The following UTP20 variants were observed in gnomAD, a reference collection of about 807,000 sequenced individuals.
UTP20 encodes small subunit processome component 20 homolog.
In UTP20, 164 loss-of-function variants were observed where a neutral mutation model predicts 329.5. The observed-to-expected ratio is 0.50, with a 90% CI of 0.44 to 0.57. The LOEUF (loss-of-function observed/expected upper bound fraction) is 0.57, where lower values mean the gene tolerates loss of function less well. UTP20 is among the 20% of genes least tolerant of loss of function. The probability of loss-of-function intolerance (pLI) is 0.00; values close to 1 mark genes in which losing one functional copy is unlikely to be tolerated. For missense variants in UTP20, 3,055 were observed against 3,284.2 expected (o/e 0.93, Z 1.71); for synonymous variants, 1,151 against 1,159.3 (o/e 0.99, Z 0.14).
At chr12:101,342,648 G>T in intron 33 of UTP20, 59 bp downstream of exon 33, 1 of 1,561,498 alleles carries the variant, frequency 6.4e-7, no homozygotes, top group Admixed American at 1.9e-5. Flanking sequence ...ATTATGACTT[G>T]TAAACCATAT....
intron 40 of UTP20, 109 bp downstream of exon 40, chr12:101,353,238 C>A: frequency 1.6e-6 from 1 of 627,218 alleles, no homozygotes; most frequent in East Asian, 3.0e-5. Flanking sequence ...TCTGCTCTTA[C>A]TAGCAATGGA....
chr12:101,306,799 T>C (rs763584071), intron 17 of UTP20, 38 bp downstream of exon 17: 4 of 1,544,674 alleles, frequency 2.6e-6, no homozygotes, highest in South Asian at 2.4e-5. Flanking sequence ...TTTAAAAAAA[T>C]ATAGTTTTAC....
intron 47 of UTP20, among the ~76,000 whole-genome samples, chr12:101,367,249 C>A (rs762151062): frequency 6.6e-6 from 1 of 152,046 alleles, no homozygotes; most frequent in Non-Finnish European, 1.5e-5. Context: ...CGCACCACTG[C>A]ACTCCAATAT....
intron 41 of UTP20, 140 bp from the exon 42 acceptor site, chr12:101,356,414 C>T (rs1869722746): frequency 1.2e-6 from 1 of 838,696 alleles, no homozygotes; most frequent in Middle Eastern, 3.7e-4. Context: ...GCATGAGCCA[C>T]CGCACCCAGC....
Position 101,342,443 on chromosome 12 carries a change from A to G in UTP20, c.4102-3A>G. 1 of 1,591,066 alleles carries G rather than the reference A, an allele frequency of 6.3e-7. No homozygotes were observed. The highest frequency in any genetic ancestry group is 8.5e-7 in the Non-Finnish European group (1 of 1,173,736). On this transcript the variant is annotated splice_region_variant and splice_polypyrimidine_tract_variant and intron_variant, in intron 32 of 61. Transcript: ENST00000261637. ...ATGATTTCTCTGATTATTTCTTCTC[A>G]AGGATACAGAGGTTGATATTCTGGT...
In UTP20 at chr12:101,281,190, T is replaced by C; in HGVS notation, c.120T>C (p.Tyr40=). ...ACCGGATTGATAGAACTGCAAGCTA[T>C]GAGGAGGTAAGAGAATGTGATACTA... ...IIHRIDRTAS[Y]EEEVETYFFE... Residue 40 remains tyrosine (Y), a synonymous_variant, in exon 2 of 62, where the codon TAT becomes TAC. Transcript: ENST00000261637. 1 of 1,612,774 alleles carries C rather than the reference T, an allele frequency of 6.2e-7. No homozygotes were observed. Among genetic ancestry groups the C allele is most frequent in the Non-Finnish European group, 8.5e-7 (1 of 1,179,008 alleles).
rs1433209069 is a variant in UTP20, at chr12:101,368,126, G to A, written c.6384+150G>A. ...TTGGTGGGTTTTTTGGGGTTTTTGGGTTTTTTTTTTTTTGAGACAGAGTCT... is the reference window on the plus strand; with the variant it reads ...TTGGTGGGTTTTTTGGGGTTTTTGGATTTTTTTTTTTTTGAGACAGAGTCT... On this transcript the variant is annotated intron_variant, in intron 48 of 61. Coordinates refer to ENST00000261637, the MANE Select transcript of UTP20 (RefSeq NM_014503.3). The A allele has an allele frequency of 1.8e-5, 8 of 451,922 alleles. No homozygotes were observed. The South Asian group carries it at 1.9e-4, about 11-fold the overall frequency. 28.0% of individuals were successfully genotyped at this position (451,922 alleles called of 1,614,324 possible).
At chr12:101,349,503 A>G (rs1015075460) in intron 38 of UTP20, among the ~76,000 whole-genome samples, 13 of 151,330 alleles carry the variant, frequency 8.6e-5, no homozygotes, top group Non-Finnish European at 1.8e-4. Context: ...CAGTGGCACA[A>G]TCTCTGCTTA....
At chr12:101,367,811 T>G in intron 47 of UTP20, 49 bp from the exon 48 acceptor site, 1 of 1,144,864 alleles carries the variant, frequency 8.7e-7, no homozygotes, top group Non-Finnish European at 1.3e-6. Context: ...ACCTAACTCA[T>G]CTGGTCTAAT....
Position 101,291,739 on chromosome 12 carries a change from C to T in UTP20, c.892-3C>T. 1.3e-6 allele frequency: 2 copies of T among 1,518,444 alleles called. No homozygotes were observed. The highest frequency in any genetic ancestry group is 1.6e-5 in the African/African-American group (1 of 63,212). The allele number at this position is 1,518,444 out of a possible 1,614,324, so 94.1% of individuals were successfully genotyped here. On this transcript the variant is annotated splice_polypyrimidine_tract_variant and splice_region_variant and intron_variant, in intron 8 of 61. Coordinates refer to ENST00000261637, the MANE Select transcript of UTP20 (RefSeq NM_014503.3). The stretch of plus-strand genomic sequence containing the variant: ...TTCTCTCTGTTAAATTCTTTGTTTG[C>T]AGGAATCGCTCTTGGATCTACACAC...
rs1402018618 is a variant in UTP20 at position 101,386,116 on chromosome 12, T to G, written c.8351T>G (p.Val2784Gly). 1.9e-6 allele frequency: 3 copies of G among 1,604,440 alleles called. No homozygotes were observed. Among genetic ancestry groups the G allele is most frequent in the African/African-American group, 1.4e-5 (1 of 73,912 alleles). ...CATAGCCTGAAAGATTTAGCAATGGTGGAGTAATGTCTCCCTGTGCTGATA... is the reference window on the plus strand; with the variant it reads ...CATAGCCTGAAAGATTTAGCAATGGGGGAGTAATGTCTCCCTGTGCTGATA... The part of the protein sequence containing the change: ...KSHSLKDLAM[V>G]E Residue 2784 changes from valine (V) to glycine (G), a missense_variant, in exon 62 of 62, where the codon GTG becomes GGG. Around this residue, in one of 3 missense-constraint regions of UTP20, gnomAD observed 337 missense variants for 345.5 expected, o/e 0.98. Transcript: ENST00000261637.
intron 50 of UTP20, 143 bp from the exon 51 acceptor site, chr12:101,370,913 TTG>T (rs1870263501): frequency 1.5e-6 from 1 of 678,922 alleles, no homozygotes; most frequent in Non-Finnish European, 2.4e-6. Context: ...TGTGTGTTCT[TTG>T]TGCTTAAGTG....
chr12:101,281,949 C>G (rs189745846), intron 2 of UTP20, among the ~76,000 whole-genome samples: 1 of 152,112 alleles, frequency 6.6e-6, no homozygotes, highest in African/African-American at 2.4e-5. Flanking sequence ...GTGATCTGCT[C>G]GCCTTGGCCT....
chr12:101,343,326 G>T (rs1240124580), intron 35 of UTP20, among the ~76,000 whole-genome samples: 1 of 152,088 alleles, frequency 6.6e-6, no homozygotes, highest in Non-Finnish European at 1.5e-5. Context: ...AAAAAATCAA[G>T]AAGTTATGTA....
chr12:101,321,153 T>G (rs1342327702), intron 24 of UTP20, among the ~76,000 whole-genome samples: 1 of 152,198 alleles, frequency 6.6e-6, no homozygotes, highest in East Asian at 1.9e-4. Flanking sequence ...AAAACTGTGT[T>G]GTAAATATTA....
chr12:101,380,863 T>TATAA (rs1870621807), intron 57 of UTP20, among the ~76,000 whole-genome samples: 2 of 115,148 alleles, frequency 1.7e-5, no homozygotes, highest in South Asian at 3.3e-4. Context: ...GACTCTGTCT[T>TATAA]AAAAAAAAAA....
At chr12:101,291,704 A>G in intron 8 of UTP20, 38 bp from the exon 9 acceptor site, 1 of 1,516,890 alleles carries the variant, frequency 6.6e-7, no homozygotes, top group Non-Finnish European at 8.8e-7. Context: ...GTTGAGTTTG[A>G]TACTTTATAT....
At chr12:101,333,589 C>T in intron 28 of UTP20, 145 bp downstream of exon 28, 3 of 1,076,612 alleles carry the variant, frequency 2.8e-6, no homozygotes. Flanking sequence ...GTTTTTAGAA[C>T]ACTTTTCTTT....
rs191414273 is a variant in UTP20, at chr12:101,350,565, T to C, written c.4885-1490T>C. Among the ~76,000 whole-genome samples, 5 of 152,260 alleles carry C rather than the reference T, an allele frequency of 3.3e-5. No individual in the cohort carries two copies. In the East Asian group the frequency reaches 9.7e-4, roughly 29 times the overall value. ...GAATTATTCTCAGGTGCAGTTAGGT[T>C]ACTTATGAATAGTCTAATTCTTTAG... On this transcript the variant is annotated intron_variant, in intron 38 of 61. Coordinates refer to ENST00000261637, the MANE Select transcript of UTP20 (RefSeq NM_014503.3).
Sources: allele counts gnomAD v4.1 joint callset (sites outside exome capture counted in the v4.1 genomes callset), GRCh38; gene constraint gnomAD v4.1.1; regional missense constraint gnomAD v4.1.1; transcripts MANE v1.5; gene names NCBI Gene and HGNC (gene_info 2026-07-23, HGNC 2026-07-21).